Variants in NRF1 observed in about 807,000 individuals in gnomAD.
NRF1 encodes alpha palindromic-binding protein.
Under a neutral mutation model 58.5 loss-of-function variants are expected in NRF1, and 5 were observed. The observed-to-expected ratio is 0.09, with a 90% CI of 0.04 to 0.18. NRF1 has a LOEUF of 0.18. NRF1 is among the 10% of genes least tolerant of loss of function. The probability of loss-of-function intolerance (pLI) is 1.00; values close to 1 mark genes in which losing one functional copy is unlikely to be tolerated. For synonymous variants in NRF1, 224 were observed against 246.7 expected, an observed-to-expected ratio of 0.91 and a Z score of 0.86; for missense variants, 288 against 657.7, an observed-to-expected ratio of 0.44 and a Z score of 6.15.
intron 1 of NRF1, among the ~76,000 whole-genome samples, chr7:129,616,279 T>A (rs1294036903): frequency 6.6e-6 from 1 of 152,188 alleles, no homozygotes; most frequent in Non-Finnish European, 1.5e-5. Flanking sequence ...TACAGAGATG[T>A]TCTAGTATAT....
intron 1 of NRF1, among the ~76,000 whole-genome samples, chr7:129,651,698 G>A (rs1801540401): frequency 1.3e-5 from 2 of 152,030 alleles, no homozygotes; most frequent in Non-Finnish European, 2.9e-5. Context: ...AGTTTGTCTC[G>A]AAGAACAGTG....
chr7:129,701,215 G>A (rs936804173), intron 5 of NRF1, among the ~76,000 whole-genome samples: 1 of 152,110 alleles, frequency 6.6e-6, no homozygotes, highest in African/African-American at 2.4e-5. Flanking sequence ...AAAATAACCA[G>A]TAAATATATA....
intron 1 of NRF1, among the ~76,000 whole-genome samples, chr7:129,642,495 A>T (rs963855390): frequency 6.6e-6 from 1 of 152,188 alleles, no homozygotes; most frequent in African/African-American, 2.4e-5. Context: ...AACATGGAAT[A>T]TTTTAATCTA....
chr7:129,630,173 G>A (rs1048291875), intron 1 of NRF1: 7 of 152,196 alleles, frequency 4.6e-5, no homozygotes, highest in African/African-American at 1.7e-4. Context: ...AACTTGGTGA[G>A]TAAAATTAAT....
intron 10 of NRF1, among the ~76,000 whole-genome samples, chr7:129,742,767 T>G (rs1271306659): frequency 6.6e-6 from 1 of 152,156 alleles, no homozygotes; most frequent in African/African-American, 2.4e-5. Flanking sequence ...TGATATGGAG[T>G]TGGCACACTG....
intron 2 of NRF1, among the ~76,000 whole-genome samples, chr7:129,666,743 C>A (rs1801932612): frequency 6.6e-6 from 1 of 152,166 alleles, no homozygotes; most frequent in Non-Finnish European, 1.5e-5. Context: ...GTTGGCCAGG[C>A]TGGTCTCGAA....
At chr7:129,627,048 A>G (rs1199558635) in intron 1 of NRF1, among the ~76,000 whole-genome samples, 1 of 152,236 alleles carries the variant, frequency 6.6e-6, no homozygotes, top group African/African-American at 2.4e-5. Context: ...GGAATACAGT[A>G]AAAAGTGGGT....
rs963338518 is a variant in NRF1 at position 129,755,310 on chromosome 7, A to T, written c.*129A>T. The T allele has an allele frequency of 1.9e-4, 147 of 754,146 alleles. No homozygotes were observed. The highest frequency in any genetic ancestry group is 2.3e-4 in the South Asian group (6 of 26,666). 46.7% of individuals were successfully genotyped at this position (754,146 alleles called of 1,614,324 possible). A position where few individuals can be genotyped will look rare whatever the true frequency, so the allele number is the denominator to read the frequency against. ...AAGTTTTGTTAACCTTTTTTTTTTTAAAAGGAAGAAAGCGGATTTTGGAAT... is the reference window on the plus strand; with the variant it reads ...AAGTTTTGTTAACCTTTTTTTTTTTTAAAGGAAGAAAGCGGATTTTGGAAT... On this transcript the variant is annotated 3_prime_UTR_variant, in exon 11 of 11. Coordinates refer to ENST00000393232, the MANE Select transcript of NRF1 (RefSeq NM_005011.5). This position sits in a 1 kb window ranked among gnomAD's most constrained non-coding sequence, Gnocchi z 5.8.
At chr7:129,700,200 G>A (rs988053816) in intron 5 of NRF1, among the ~76,000 whole-genome samples, 7 of 151,846 alleles carry the variant, frequency 4.6e-5, no homozygotes, top group African/African-American at 1.5e-4. Flanking sequence ...AACATATTTA[G>A]TGCCACTAAA....
At chr7:129,744,133 T>C in intron 10 of NRF1, 3 of 1,193,946 alleles carry the variant, frequency 2.5e-6, no homozygotes, top group African/African-American at 1.6e-5. Flanking sequence ...CCCGGTGCTT[T>C]TTTTTTTTTT....
intron 9 of NRF1, among the ~76,000 whole-genome samples, chr7:129,721,895 TAGATC>T (rs1803335995): frequency 1.3e-5 from 2 of 152,216 alleles, no homozygotes; most frequent in Non-Finnish European, 2.9e-5. Flanking sequence ...ATGGAAAACT[TAGATC>T]AGAAATCTTC....
At chr7:129,749,002 T>C (rs925669247) in intron 10 of NRF1, among the ~76,000 whole-genome samples, 8 of 152,246 alleles carry the variant, frequency 5.3e-5, no homozygotes, top group African/African-American at 9.6e-5. Context: ...GCCCGTGGTC[T>C]ACCACAGTGC....
At chr7:129,748,274 CAAA>C (rs10655886) in intron 10 of NRF1, among the ~76,000 whole-genome samples, 2 of 78,080 alleles carry the variant, frequency 2.6e-5, no homozygotes, top group South Asian at 6.1e-4. Flanking sequence ...GACTCCGTCT[CAAA>C]AAAAAAAAAA....
intron 1 of NRF1, among the ~76,000 whole-genome samples, chr7:129,631,466 C>T (rs1801048023): frequency 3.3e-5 from 5 of 152,184 alleles, no homozygotes; most frequent in Admixed American, 2.6e-4. Context: ...CGAGGTCTCG[C>T]TATATTGCCC....
Position 129,632,017 on chromosome 7 carries a change from G to A in NRF1, c.-7+20193G>A, listed in dbSNP as rs79876490. Reference sequence around the variant, plus strand: ...ATGCCAGGCTTAGTGGCTTGTGTCTGTAATCCCAGCTACTTGGGAGGCTAA... The same window carrying A: ...ATGCCAGGCTTAGTGGCTTGTGTCTATAATCCCAGCTACTTGGGAGGCTAA... On this transcript the variant is annotated intron_variant, in intron 1 of 10. Coordinates refer to ENST00000393232, the MANE Select transcript of NRF1 (RefSeq NM_005011.5). Among the ~76,000 whole-genome samples, 2,866 of 152,242 alleles carry A rather than the reference G, an allele frequency of 0.019. 248 individuals carry two copies. In the East Asian group the frequency reaches 0.26, roughly 14 times the overall value.
At chr7:129,722,074 T>A (rs1803340070) in intron 9 of NRF1, among the ~76,000 whole-genome samples, 1 of 152,168 alleles carries the variant, frequency 6.6e-6, no homozygotes, top group South Asian at 2.1e-4. Flanking sequence ...GCCTTTTTAA[T>A]CCCTATTCAC....
intron 2 of NRF1, among the ~76,000 whole-genome samples, chr7:129,658,713 A>G (rs1388174405): frequency 1.3e-5 from 2 of 152,086 alleles, no homozygotes; most frequent in East Asian, 3.9e-4. Context: ...CCTATATGCT[A>G]TTGTTGTCCT....
chr7:129,617,781 T>C (rs1186607628), intron 1 of NRF1, among the ~76,000 whole-genome samples: 1 of 152,156 alleles, frequency 6.6e-6, no homozygotes, highest in Admixed American at 6.5e-5. Context: ...GGAAGACTTT[T>C]CACATAGGGG....
intron 1 of NRF1, among the ~76,000 whole-genome samples, chr7:129,651,327 C>T (rs755289958): frequency 6.7e-6 from 1 of 150,188 alleles, no homozygotes; most frequent in Non-Finnish European, 1.5e-5. Flanking sequence ...GGCTGAGGCA[C>T]GAGAATTGCT....
Sources: allele counts gnomAD v4.1 joint callset (sites outside exome capture counted in the v4.1 genomes callset), GRCh38; gene constraint gnomAD v4.1.1; non-coding constraint Gnocchi (gnomAD v3.1); transcripts MANE v1.5; gene names NCBI Gene and HGNC (gene_info 2026-07-23, HGNC 2026-07-21).